PKHD1: variants seen among roughly 807,000 people sequenced by gnomAD.
PKHD1 encodes the protein fibrocystin.
PKHD1 carries 291 observed loss-of-function variants against 412.0 expected under a neutral mutation model. The observed-to-expected ratio is 0.71, with a 90% CI of 0.64 to 0.78. PKHD1 has a LOEUF of 0.78. Ranked by LOEUF, PKHD1 falls within the 30% of genes least tolerant of loss-of-function variation. The pLI is 0.00. For synonymous variants in PKHD1, 1,777 were observed against 1,821.5 expected, an observed-to-expected ratio of 0.98 and a Z score of 0.62; for missense variants, 4,825 against 4,950.7, an observed-to-expected ratio of 0.97 and a Z score of 0.76.
intron 48 of PKHD1, among the ~76,000 whole-genome samples, chr6:51,863,243 CAT>C (rs1032402879): frequency 7.9e-6 from 1 of 126,392 alleles, no homozygotes; most frequent in Non-Finnish European, 1.6e-5. Flanking sequence ...TAATTTCAAA[CAT>C]GTACTGTATA....
chr6:51,829,631 C>T (rs1013913435), intron 52 of PKHD1, among the ~76,000 whole-genome samples: 26 of 152,232 alleles, frequency 1.7e-4, no homozygotes, highest in African/African-American at 5.5e-4. Flanking sequence ...TAATAATTGA[C>T]GTTTGTACTG....
At chr6:51,941,324 C>T (rs1390673087) in intron 36 of PKHD1, among the ~76,000 whole-genome samples, 9 of 137,948 alleles carry the variant, frequency 6.5e-5, no homozygotes, top group South Asian at 4.9e-4. Context: ...GGCGCAATCT[C>T]GGCTCACTGC....
Position 51,912,559 on chromosome 6 carries a change from T to C in PKHD1, c.6139A>G (p.Ile2047Val). 6.2e-7 allele frequency: 1 copy of C among 1,612,350 alleles called. No individual in the cohort carries two copies. The highest frequency in any genetic ancestry group is 8.5e-7 in the Non-Finnish European group (1 of 1,178,636). ...LSLHGSLPEV[I>V]VTCLRATAHA... is the part of the protein sequence containing the mutation. ...GCAGTTGCTCTAAGACAGGTGACAA[T>C]TACTTCTGGTAGTGAACCTAAAGCA... Residue 2047 changes from isoleucine to valine, a missense_variant, in exon 38 of 67, where the codon ATT becomes GTT. Coordinates refer to ENST00000371117, the MANE Select transcript of PKHD1 (RefSeq NM_138694.4).
At chr6:52,080,053 T>C in intron 4 of PKHD1, 45 bp from the exon 5 acceptor site, 1 of 1,105,694 alleles carries the variant, frequency 9.0e-7, no homozygotes, top group Non-Finnish European at 1.4e-6. Flanking sequence ...AAACCATGAA[T>C]TCCCAAAGCT....
chr6:51,955,860 T>C (rs1178729459), intron 36 of PKHD1, among the ~76,000 whole-genome samples: 2 of 152,084 alleles, frequency 1.3e-5, no homozygotes, highest in Non-Finnish European at 2.9e-5. Context: ...AGCCTGCAGA[T>C]GGTATCAGAA....
At chr6:51,911,450 T>C (rs967704715) in intron 39 of PKHD1, among the ~76,000 whole-genome samples, 6 of 152,180 alleles carry the variant, frequency 3.9e-5, no homozygotes, top group African/African-American at 1.2e-4. Context: ...CTCTGGCATA[T>C]GGCTTTCCTG....
At chr6:51,917,793 C>G in intron 37 of PKHD1, among the ~76,000 whole-genome samples, 1 of 152,058 alleles carries the variant, frequency 6.6e-6, no homozygotes, top group African/African-American at 2.4e-5. Context: ...TGAGCAGGAC[C>G]CATCCAAAAA....
At chr6:51,831,827 C>T (rs766225349) in intron 51 of PKHD1, among the ~76,000 whole-genome samples, 3 of 152,126 alleles carry the variant, frequency 2.0e-5, no homozygotes, top group East Asian at 1.9e-4. Flanking sequence ...AGTATCTCAT[C>T]GCATAATTGA....
intron 53 of PKHD1, among the ~76,000 whole-genome samples, chr6:51,785,126 C>T (rs1199343652): frequency 6.6e-6 from 1 of 152,094 alleles, no homozygotes; most frequent in Non-Finnish European, 1.5e-5. Context: ...ATGCCTGAAA[C>T]TGAGTTGGCA....
At chr6:52,031,870 A>G (rs898919603) in intron 29 of PKHD1, among the ~76,000 whole-genome samples, 3 of 152,258 alleles carry the variant, frequency 2.0e-5, no homozygotes, top group African/African-American at 7.2e-5. Context: ...CATTGTATGT[A>G]TCAACAACAT....
intron 40 of PKHD1, among the ~76,000 whole-genome samples, chr6:51,908,162 G>A (rs1230352288): frequency 1.3e-5 from 2 of 152,210 alleles, no homozygotes; most frequent in Non-Finnish European, 2.9e-5. Flanking sequence ...GGCCATATGC[G>A]GAGCCATCCT....
chr6:51,891,469 G>A (rs1779111478), intron 43 of PKHD1, among the ~76,000 whole-genome samples: 1 of 151,974 alleles, frequency 6.6e-6, no homozygotes, highest in Admixed American at 6.6e-5. Context: ...AGTAGAAATG[G>A]GGTTTCTCCA....
chr6:51,660,102 G>A, intron 60 of PKHD1, 133 bp from the exon 61 acceptor site: 2 of 620,946 alleles, frequency 3.2e-6, no homozygotes, highest in Non-Finnish European at 5.5e-6. Context: ...GCCAGATACT[G>A]AGAGTGCAAG....
chr6:52,021,536 T>C (rs1477167629), intron 33 of PKHD1, among the ~76,000 whole-genome samples: 1 of 152,190 alleles, frequency 6.6e-6, no homozygotes, highest in East Asian at 1.9e-4. Flanking sequence ...CACCAAGCAC[T>C]AATTTTGCAC....
chr6:51,816,339 T>A (rs375749620), intron 52 of PKHD1, among the ~76,000 whole-genome samples: 1 of 152,222 alleles, frequency 6.6e-6, no homozygotes, highest in Non-Finnish European at 1.5e-5. Flanking sequence ...TACACCCCCA[T>A]GCCTCTGTGC....
chr6:51,664,386 A>G (rs550580660), intron 60 of PKHD1, among the ~76,000 whole-genome samples: 3 of 152,346 alleles, frequency 2.0e-5, no homozygotes, highest in South Asian at 2.1e-4. Context: ...AGAGGGCACA[A>G]TCTCTGCTGA....
At chr6:51,730,251 A>G (rs1395768264) in intron 60 of PKHD1, among the ~76,000 whole-genome samples, 5 of 152,084 alleles carry the variant, frequency 3.3e-5, no homozygotes, top group Non-Finnish European at 4.4e-5. Context: ...AAATCTACCC[A>G]CGTATTTTCT....
chr6:51,912,420 A>G lies in PKHD1; in HGVS notation c.6278T>C (p.Ile2093Thr), dbSNP rs1783100060. Reference protein sequence around the residue: ...GVKGAKPMEEIVTVETVQDTD... With the variant: ...GVKGAKPMEETVTVETVQDTD... ...ATCCTGCACAGTTTCCACAGTGACA[A>G]TCTCTTCCATCGGTTTGGCACCTTT... The change falls in exon 38 of 67, where the codon ATT (isoleucine) becomes ACT (threonine). Residue 2093 changes from isoleucine (I) to threonine (T), a missense_variant. Coordinates refer to ENST00000371117, the MANE Select transcript of PKHD1 (RefSeq NM_138694.4). 1.9e-6 allele frequency: 3 copies of G among 1,613,078 alleles called. No homozygotes were observed. Among genetic ancestry groups the G allele is most frequent in the African/African-American group, 2.7e-5 (2 of 74,840 alleles).
chr6:51,771,960 T>A (rs1246492785), intron 55 of PKHD1, among the ~76,000 whole-genome samples: 1 of 152,124 alleles, frequency 6.6e-6, no homozygotes, highest in African/African-American at 2.4e-5. Flanking sequence ...ATTTTTCTTA[T>A]ACTATGAAGA....
Sources: allele counts gnomAD v4.1 joint callset (sites outside exome capture counted in the v4.1 genomes callset), GRCh38; gene constraint gnomAD v4.1.1; transcripts MANE v1.5; gene names NCBI Gene and HGNC (gene_info 2026-07-23, HGNC 2026-07-21).